IGFL2: variants seen among roughly 807,000 people sequenced by gnomAD.
IGFL2 encodes the protein insulin growth factor-like family member 2.
Under a neutral mutation model 13.9 loss-of-function variants are expected in IGFL2, and 7 were observed. The observed-to-expected ratio is 0.51, with a 90% CI of 0.29 to 0.95. The LOEUF is 0.95. Among genes scored for constraint, IGFL2 ranks in the 40% least tolerant of loss-of-function variants. The probability of loss-of-function intolerance (pLI) is 0.08; values close to 1 mark genes in which losing one functional copy is unlikely to be tolerated. For missense variants in IGFL2, 138 were observed against 147.8 expected, an observed-to-expected ratio of 0.93 and a Z score of 0.34; for synonymous variants, 55 against 55.8, an observed-to-expected ratio of 0.99 and a Z score of 0.07.
chr19:46,204,128 C>A, the IGFL2 span: 1 of 152,198 alleles, frequency 6.6e-6, no homozygotes, highest in African/African-American at 2.4e-5. Flanking sequence ...AATGATGATT[C>A]AGCCCTTTCC....
At chr19:46,183,338 G>C in the IGFL2 span, among the ~76,000 whole-genome samples, 1 of 152,028 alleles carries the variant, frequency 6.6e-6, no homozygotes, top group African/African-American at 2.4e-5. Context: ...GGGACACAGA[G>C]CCAAAGCATA....
At chr19:46,079,646 C>G in the IGFL2 span, among the ~76,000 whole-genome samples, 1 of 152,144 alleles carries the variant, frequency 6.6e-6, no homozygotes, top group Non-Finnish European at 1.5e-5. Flanking sequence ...TCTGCTTTAG[C>G]TACATCATAG....
chr19:46,100,127 C>A, the IGFL2 span, among the ~76,000 whole-genome samples: 1 of 152,140 alleles, frequency 6.6e-6, no homozygotes, highest in African/African-American at 2.4e-5. Context: ...TCAACTCATC[C>A]ATCTCAGCCT....
the IGFL2 span, chr19:46,208,268 C>T: frequency 6.6e-6 from 1 of 152,290 alleles, no homozygotes; most frequent in African/African-American, 2.4e-5. Context: ...TCAAACTGGT[C>T]TCCCGGGGCT....
the IGFL2 span, among the ~76,000 whole-genome samples, chr19:46,173,263 C>T: frequency 1.3e-5 from 2 of 152,346 alleles, no homozygotes; most frequent in Non-Finnish European, 2.9e-5. Context: ...TCCAGAATCA[C>T]TTCCCCTATA....
At chr19:46,154,475 G>A (rs927422618) in intron 1 of IGFL2, among the ~76,000 whole-genome samples, 15 of 152,028 alleles carry the variant, frequency 9.9e-5, no homozygotes, top group Non-Finnish European at 1.6e-4. Context: ...ACGGAGTCTC[G>A]CTCTGTCGCC....
chr19:46,127,948 T>C, the IGFL2 span, among the ~76,000 whole-genome samples: 26 of 152,194 alleles, frequency 1.7e-4, no homozygotes, highest in Non-Finnish European at 2.4e-4. Flanking sequence ...TGATTCTTCC[T>C]ATCCATGAGC....
the IGFL2 span, chr19:46,196,771 C>G: frequency 6.5e-6 from 1 of 152,754 alleles, no homozygotes; most frequent in African/African-American, 2.4e-5. Flanking sequence ...GACAGAGACC[C>G]CCTTGGACCC....
the IGFL2 span, among the ~76,000 whole-genome samples, chr19:46,167,063 TGTCC>T: frequency 6.6e-6 from 1 of 152,202 alleles, no homozygotes; most frequent in Non-Finnish European, 1.5e-5. Context: ...AAGTGGTAAG[TGTCC>T]ATGAAATCTT....
the IGFL2 span, among the ~76,000 whole-genome samples, chr19:46,102,172 T>A: frequency 6.6e-6 from 1 of 152,194 alleles, no homozygotes; most frequent in Admixed American, 6.5e-5. Context: ...GCAAGTTTTA[T>A]GAGGTCCTGT....
chr19:46,201,506 T>G, the IGFL2 span, among the ~76,000 whole-genome samples: 2 of 152,344 alleles, frequency 1.3e-5, no homozygotes, highest in Middle Eastern at 3.4e-3. Flanking sequence ...GCAACCACTG[T>G]GGGCTCCCAA....
the IGFL2 span, among the ~76,000 whole-genome samples, chr19:46,197,713 G>A: frequency 6.6e-6 from 1 of 151,674 alleles, no homozygotes; most frequent in African/African-American, 2.4e-5. Context: ...TGTATTTTTT[G>A]GACAGACGGG....
the IGFL2 span, among the ~76,000 whole-genome samples, chr19:46,200,449 C>T: frequency 1.4e-5 from 2 of 146,838 alleles, no homozygotes; most frequent in Admixed American, 1.4e-4. Flanking sequence ...GCTGGGATTA[C>T]AGGTGTGAGC....
At chr19:46,174,365 A>G in the IGFL2 span, among the ~76,000 whole-genome samples, 2 of 152,198 alleles carry the variant, frequency 1.3e-5, no homozygotes, top group Non-Finnish European at 2.9e-5. Flanking sequence ...CTGGAGATCC[A>G]CATCCTGAGA....
At chr19:46,117,092 T>C in the IGFL2 span, among the ~76,000 whole-genome samples, 1 of 152,066 alleles carries the variant, frequency 6.6e-6, no homozygotes, top group East Asian at 1.9e-4. Context: ...ATTTTGACTA[T>C]TTTTTTCTCA....
chr19:46,177,192 C>T, the IGFL2 span, among the ~76,000 whole-genome samples: 2 of 151,330 alleles, frequency 1.3e-5, no homozygotes, highest in South Asian at 2.1e-4. Flanking sequence ...AGGTGGAGTT[C>T]GAGACCAGCC....
the IGFL2 span, among the ~76,000 whole-genome samples, chr19:46,193,754 T>C: frequency 6.6e-6 from 1 of 152,196 alleles, no homozygotes; most frequent in Non-Finnish European, 1.5e-5. Flanking sequence ...CTGTTCTATT[T>C]TATTCTATCT....
At chr19:46,186,311 G>A in the IGFL2 span, among the ~76,000 whole-genome samples, 2 of 152,182 alleles carry the variant, frequency 1.3e-5, no homozygotes, top group African/African-American at 2.4e-5. Flanking sequence ...GCCACTTGTC[G>A]GGCGCCACCT....
upstream of IGFL2, among the ~76,000 whole-genome samples, chr19:46,144,479 CTCATA>C (rs984737335): frequency 3.9e-5 from 6 of 152,124 alleles, no homozygotes; most frequent in African/African-American, 1.2e-4. Flanking sequence ...CATACCATAT[CTCATA>C]TCATATCATA....
Sources: allele counts gnomAD v4.1 joint callset (sites outside exome capture counted in the v4.1 genomes callset), GRCh38; gene constraint gnomAD v4.1.1; transcripts MANE v1.5; gene names NCBI Gene and HGNC (gene_info 2026-07-23, HGNC 2026-07-21).